The following ATL3 variants were observed in gnomAD, a reference collection of about 807,000 sequenced individuals.
The protein encoded by ATL3 is atlastin GTPase 3.
In ATL3, 49 loss-of-function variants were observed where a neutral mutation model predicts 69.5. The ratio of observed to expected loss-of-function variants is 0.71; its 90% confidence interval spans 0.56 to 0.89. The LOEUF is 0.89. Among genes scored for constraint, ATL3 ranks in the 40% least tolerant of loss-of-function variants. The pLI is 0.00. For synonymous variants in ATL3, 214 were observed against 224.1 expected, an observed-to-expected ratio of 0.95 and a Z score of 0.40; for missense variants, 606 against 645.7, an observed-to-expected ratio of 0.94 and a Z score of 0.67.
At chr11:63,663,007 C>T (rs997541706) in intron 1 of ATL3, among the ~76,000 whole-genome samples, 1 of 152,204 alleles carries the variant, frequency 6.6e-6, no homozygotes, top group African/African-American at 2.4e-5. Context: ...ACGATCATGG[C>T]AGGCAAAGCA....
chr11:63,652,385 T>C, intron 4 of ATL3, 86 bp downstream of exon 4: 1 of 829,654 alleles, frequency 1.2e-6, no homozygotes, highest in Non-Finnish European at 1.8e-6. Context: ...CTAGAAATTC[T>C]GTTAACAGAA....
chr11:63,636,103 C>G, intron 9 of ATL3, 104 bp downstream of exon 9: 1 of 1,465,700 alleles, frequency 6.8e-7, no homozygotes, highest in Non-Finnish European at 9.2e-7. Context: ...ACCATCTCCC[C>G]CAGAAAATTT....
chr11:63,661,655 C>T (rs903606265), intron 1 of ATL3, among the ~76,000 whole-genome samples: 11 of 151,480 alleles, frequency 7.3e-5, no homozygotes, highest in African/African-American at 2.2e-4. Flanking sequence ...TTTGGGAGGC[C>T]GAGGCGGGCA....
chr11:63,632,863 GA>G (rs1427627677), intron 11 of ATL3, 162 bp downstream of exon 11: 38 of 769,486 alleles, frequency 4.9e-5, no homozygotes, highest in Non-Finnish European at 7.2e-5. Context: ...AACAAACAAA[GA>G]AATGGTAATA....
intron 8 of ATL3, among the ~76,000 whole-genome samples, chr11:63,639,716 C>T (rs1201413657): frequency 6.6e-6 from 1 of 152,080 alleles, no homozygotes; most frequent in Non-Finnish European, 1.5e-5. Context: ...AATCACGCCA[C>T]TGCACTCCAT....
In ATL3 at chr11:63,627,611, C is replaced by T. The variant is rs1294247239; in HGVS notation, c.*1708G>A. ...TTACACTCTTACCTCCCTCCCATAA[C>T]AAAAGTTAAATTATCTTAGAAATTA... On this transcript the variant is annotated 3_prime_UTR_variant, in exon 13 of 13. Transcript: ENST00000398868. 1.3e-5 allele frequency: 2 copies of T among 152,108 alleles called. No homozygotes were observed. Among genetic ancestry groups the T allele is most frequent in the Non-Finnish European group, 2.9e-5 (2 of 68,002 alleles). The allele number at this position is 152,108 out of a possible 1,614,324, so 9.4% of individuals were successfully genotyped here. A position where few individuals can be genotyped will look rare whatever the true frequency, so the allele number is the denominator to read the frequency against.
At chr11:63,652,711 G>A in intron 3 of ATL3, 136 bp from the exon 4 acceptor site, 1 of 539,164 alleles carries the variant, frequency 1.9e-6, no homozygotes, top group South Asian at 2.8e-5. Context: ...CTGCTTGTAG[G>A]TTCTGTACAA....
At chr11:63,653,086 G>T (rs1940131136) in intron 3 of ATL3, among the ~76,000 whole-genome samples, 1 of 151,984 alleles carries the variant, frequency 6.6e-6, no homozygotes, top group African/African-American at 2.4e-5. Context: ...CAGCACTTCG[G>T]GAGGGAGGCA....
chr11:63,668,348 T>G (rs1177388704), intron 1 of ATL3, among the ~76,000 whole-genome samples: 1 of 152,206 alleles, frequency 6.6e-6, no homozygotes, highest in Non-Finnish European at 1.5e-5. Flanking sequence ...CTGGGTGTGG[T>G]TCCTTCTGGT....
At chr11:63,671,705 G>C (rs1042769935), upstream of ATL3, 16 of 1,299,096 alleles carry the variant, frequency 1.2e-5, no homozygotes, top group Non-Finnish European at 1.5e-5. Context: ...GTCCCGGCCA[G>C]CGGTCCTCAT....
rs1663241686 is a variant in ATL3, at chr11:63,624,366, G to A, written c.*4953C>T. ...GCATGTATCTAATTAGAAAGCTATG[G>A]GAATCAATGCTACCTTCCCTTGCTC... On this transcript the variant is annotated 3_prime_UTR_variant, in exon 13 of 13. Transcript: ENST00000398868. 6.6e-6 allele frequency: 1 copy of A among 152,088 alleles called. No homozygotes were observed. The highest frequency in any genetic ancestry group is 1.5e-5 in the Non-Finnish European group (1 of 68,024). The allele number at this position is 152,088 out of a possible 1,614,324, so 9.4% of individuals were successfully genotyped here. A position where few individuals can be genotyped will look rare whatever the true frequency, so the allele number is the denominator to read the frequency against.
At chr11:63,665,881 ATGT>A (rs1940559365) in intron 1 of ATL3, among the ~76,000 whole-genome samples, 1 of 151,916 alleles carries the variant, frequency 6.6e-6, no homozygotes, top group African/African-American at 2.4e-5. Flanking sequence ...AAAAAAAAAG[ATGT>A]TGTTCACTGA....
chr11:63,625,522 G>C lies in ATL3; in HGVS notation c.*3797C>G, dbSNP rs1345069366. On this transcript the variant is annotated 3_prime_UTR_variant, in exon 13 of 13. Transcript: ENST00000398868. ...GACTTGATTCAATCTACTTAATTTT[G>C]CTATAACTCATACATACATACATAC... The C allele has an allele frequency of 6.6e-6, 1 of 151,970 alleles. No homozygotes were observed. The highest frequency in any genetic ancestry group is 1.5e-5 in the Non-Finnish European group (1 of 67,984). The allele number at this position is 151,970 out of a possible 1,614,324, so 9.4% of individuals were successfully genotyped here.
intron 6 of ATL3, among the ~76,000 whole-genome samples, chr11:63,644,938 C>T (rs1479847958): frequency 3.3e-5 from 5 of 151,954 alleles, no homozygotes; most frequent in Admixed American, 6.6e-5. Flanking sequence ...GATCTGTGGC[C>T]GGGCACAGTG....
At chr11:63,664,628 GTTTTTT>G (rs917256853) in intron 1 of ATL3, among the ~76,000 whole-genome samples, 16 of 141,038 alleles carry the variant, frequency 1.1e-4, no homozygotes, top group African/African-American at 3.6e-4. Context: ...TTGTTTTTTT[GTTTTTT>G]TTTTTTGAGA....
intron 1 of ATL3, among the ~76,000 whole-genome samples, chr11:63,670,927 G>A (rs1415451022): frequency 1.3e-5 from 2 of 152,138 alleles, no homozygotes; most frequent in African/African-American, 4.8e-5. Context: ...CCCAGGGCGG[G>A]GCTCGGCGGG....
chr11:63,665,796 C>T (rs1431181385), intron 1 of ATL3, among the ~76,000 whole-genome samples: 1 of 151,664 alleles, frequency 6.6e-6, no homozygotes, highest in African/African-American at 2.4e-5. Flanking sequence ...ATCACTTGAA[C>T]CTGGGAGGCA....
chr11:63,649,169 C>T (rs1300200391), intron 5 of ATL3, among the ~76,000 whole-genome samples: 3 of 152,060 alleles, frequency 2.0e-5, no homozygotes, highest in African/African-American at 7.2e-5. Context: ...AGGGGGGAAA[C>T]TTATTTGGAA....
rs1255064810 is a variant in ATL3, at chr11:63,626,650, G to A, written c.*2669C>T. Reference sequence around the variant, plus strand: ...GAGTTCCATATATTGTTAGGATTGTGTAAAATTAAAAATGCCTGCATGGAA... The same window carrying A: ...GAGTTCCATATATTGTTAGGATTGTATAAAATTAAAAATGCCTGCATGGAA... On this transcript the variant is annotated 3_prime_UTR_variant, in exon 13 of 13. Coordinates refer to ENST00000398868, the MANE Select transcript of ATL3 (RefSeq NM_015459.5). 1.3e-5 allele frequency: 2 copies of A among 152,142 alleles called. No homozygotes were observed. Among genetic ancestry groups the A allele is most frequent in the Non-Finnish European group, 2.9e-5 (2 of 68,030 alleles). 9.4% of individuals were successfully genotyped at this position (152,142 alleles called of 1,614,324 possible).
Sources: gnomAD v4.1 joint callset for allele counts (sites outside exome capture counted in the v4.1 genomes callset) on GRCh38, gnomAD v4.1.1 for gene constraint, MANE v1.5 for transcripts, NCBI Gene and HGNC (gene_info 2026-07-23, HGNC 2026-07-21) for gene names.